Variants in NTRK3 observed in about 807,000 individuals in gnomAD.
The protein encoded by NTRK3 is neurotrophic receptor tyrosine kinase 3.
In NTRK3, 24 loss-of-function variants were observed where a neutral mutation model predicts 91.7. The ratio of observed to expected loss-of-function variants is 0.26; its 90% CI spans 0.19 to 0.37. The LOEUF (loss-of-function observed/expected upper bound fraction) is 0.37. Ranked by LOEUF, NTRK3 falls within the 10% of genes least tolerant of loss-of-function variation. NTRK3 has a pLI of 1.00. For missense variants in NTRK3, 880 were observed against 1,068.9 expected, an observed-to-expected ratio of 0.82 and a Z score of 2.46; for synonymous variants, 483 against 404.0, an observed-to-expected ratio of 1.20 and a Z score of -2.34.
At chr15:88,201,783 T>C (rs573462119) in intron 3 of NTRK3, among the ~76,000 whole-genome samples, 1 of 152,188 alleles carries the variant, frequency 6.6e-6, no homozygotes, top group Non-Finnish European at 1.5e-5. Flanking sequence ...GGGCTTTTTC[T>C]TAATGGAAAC....
At chr15:87,973,882 T>C (rs2073473682) in intron 14 of NTRK3, among the ~76,000 whole-genome samples, 1 of 151,984 alleles carries the variant, frequency 6.6e-6, no homozygotes, top group Non-Finnish European at 1.5e-5. Flanking sequence ...GCTTTCAGAG[T>C]CATGCTGGCA....
At chr15:88,094,362 A>G (rs1011344404) in intron 13 of NTRK3, among the ~76,000 whole-genome samples, 113 of 149,380 alleles carry the variant, frequency 7.6e-4, no homozygotes, top group African/African-American at 2.8e-3. Flanking sequence ...CCAGCTACTC[A>G]GGAGGCTGAG....
At chr15:88,066,691 C>T (rs1004121959) in intron 13 of NTRK3, among the ~76,000 whole-genome samples, 3 of 152,196 alleles carry the variant, frequency 2.0e-5, no homozygotes, top group Non-Finnish European at 4.4e-5. Context: ...GACCTGCAGG[C>T]AGAGCCTTGG....
chr15:87,866,152 G>A (rs1309540197), exon 19 of NTRK3: 1 of 225,450 alleles, frequency 4.4e-6, no homozygotes, highest in Non-Finnish European at 8.8e-6. Flanking sequence ...AGAAACTGAG[G>A]TAAAGGGCAG....
At chr15:88,208,523 G>A (rs914201659) in intron 3 of NTRK3, among the ~76,000 whole-genome samples, 2 of 152,114 alleles carry the variant, frequency 1.3e-5, no homozygotes, top group Admixed American at 6.5e-5. Context: ...TCAGAATGAG[G>A]CGGGGTCTGA....
chr15:88,101,309 A>C (rs1243834845), intron 13 of NTRK3, among the ~76,000 whole-genome samples: 1 of 152,252 alleles, frequency 6.6e-6, no homozygotes, highest in Non-Finnish European at 1.5e-5. Flanking sequence ...AATCAAAACC[A>C]CAATGAGATG....
chr15:88,107,213 T>C (rs1400845047), intron 13 of NTRK3, among the ~76,000 whole-genome samples: 1 of 151,952 alleles, frequency 6.6e-6, no homozygotes, highest in Non-Finnish European at 1.5e-5. Flanking sequence ...GAGGCTGAGG[T>C]GAGCAGATCG....
At chr15:88,178,527 G>C (rs544546189) in intron 5 of NTRK3, among the ~76,000 whole-genome samples, 2 of 152,264 alleles carry the variant, frequency 1.3e-5, no homozygotes, top group South Asian at 4.1e-4. Flanking sequence ...CCCAGCTAAA[G>C]ATTGAGTGCA....
intron 15 of NTRK3, 145 bp downstream of exon 15, chr15:87,940,478 T>C (rs2069722633): frequency 7.5e-7 from 1 of 1,332,364 alleles, no homozygotes; most frequent in Admixed American, 1.8e-5. Flanking sequence ...CCTAGGAAAC[T>C]TCATTGACCT....
chr15:88,110,684 G>A (rs891277877), intron 13 of NTRK3, among the ~76,000 whole-genome samples: 3 of 152,196 alleles, frequency 2.0e-5, no homozygotes, highest in Non-Finnish European at 4.4e-5. Flanking sequence ...CAGAGGGAAG[G>A]TGCATGAGGA....
At chr15:88,103,466 G>C (rs1271615816) in intron 13 of NTRK3, among the ~76,000 whole-genome samples, 1 of 152,128 alleles carries the variant, frequency 6.6e-6, no homozygotes, top group Non-Finnish European at 1.5e-5. Flanking sequence ...TATCTGATTG[G>C]TATGAGAGAG....
At chr15:87,998,406 C>A (rs2075858853) in intron 14 of NTRK3, among the ~76,000 whole-genome samples, 1 of 152,212 alleles carries the variant, frequency 6.6e-6, no homozygotes, top group South Asian at 2.1e-4. Flanking sequence ...GCATCATGGC[C>A]ACATGGCCAA....
intron 17 of NTRK3, among the ~76,000 whole-genome samples, chr15:87,925,141 G>C (rs957723644): frequency 6.6e-6 from 1 of 152,188 alleles, no homozygotes; most frequent in African/African-American, 2.4e-5. Context: ...TTGAGTCAGT[G>C]ATTCACAGAA....
rs146273581 is a variant in NTRK3 at position 87,936,447 on chromosome 15, T to A, written c.1717-3263A>T. Among the ~76,000 whole-genome samples, 827 of 152,138 alleles carry A rather than the reference T, an allele frequency of 5.4e-3. 10 individuals carry two copies. Among genetic ancestry groups the A allele is most frequent in the African/African-American group, 0.018 (766 of 41,502 alleles). ...TTGGATGGAAGGAAAATAGGCTAGA[T>A]GGCAAGAACACAACTTCTCGACAGC... On this transcript the variant is annotated intron_variant, in intron 15 of 18. Transcript: ENST00000394480.
At chr15:88,064,253 C>A (rs1290072774) in intron 13 of NTRK3, among the ~76,000 whole-genome samples, 1 of 152,194 alleles carries the variant, frequency 6.6e-6, no homozygotes, top group Non-Finnish European at 1.5e-5. Flanking sequence ...AAACTCCTAG[C>A]CTTCAAAACA....
chr15:87,868,045 T>C (rs2064734332), exon 19 of NTRK3: 1 of 231,314 alleles, frequency 4.3e-6, no homozygotes, highest in South Asian at 1.8e-4. Flanking sequence ...TAGATGACTT[T>C]AAGAAATCAC....
chr15:88,090,472 T>C (rs1017160429), intron 13 of NTRK3, among the ~76,000 whole-genome samples: 13 of 152,032 alleles, frequency 8.6e-5, no homozygotes, highest in Admixed American at 6.5e-5. Flanking sequence ...CCTATAAATA[T>C]ATACAAAAAG....
intron 14 of NTRK3, chr15:87,979,397 A>G (rs770963622): frequency 1.9e-5 from 31 of 1,614,078 alleles, no homozygotes; most frequent in Non-Finnish European, 2.5e-5. Flanking sequence ...CTCAACATAG[A>G]TGCCATGGTT....
chr15:88,221,368 A>T (rs1227686489), intron 3 of NTRK3, among the ~76,000 whole-genome samples: 1 of 152,264 alleles, frequency 6.6e-6, no homozygotes, highest in East Asian at 1.9e-4. Flanking sequence ...TTACAAATTC[A>T]TAAGAAAAAA....
Sources: allele counts gnomAD v4.1 joint callset (sites outside exome capture counted in the v4.1 genomes callset), GRCh38; gene constraint gnomAD v4.1.1; transcripts MANE v1.5; gene names NCBI Gene and HGNC (gene_info 2026-07-23, HGNC 2026-07-21).